Variants in ARHGEF10 observed in about 807,000 individuals in gnomAD.
The protein encoded by ARHGEF10 is Rho guanine nucleotide exchange factor (GEF) 10.
In ARHGEF10, 140 loss-of-function variants were observed where a neutral mutation model predicts 147.4. The ratio of observed to expected loss-of-function variants is 0.95; its 90% confidence interval spans 0.83 to 1.09. ARHGEF10 has a LOEUF of 1.09. Ranked by LOEUF, ARHGEF10 falls within the 50% of genes least tolerant of loss-of-function variation. The probability of loss-of-function intolerance (pLI) is 0.00; values close to 1 mark genes in which losing one functional copy is unlikely to be tolerated. For missense variants in ARHGEF10, 2,222 were observed against 1,752.7 expected (o/e 1.27, Z -4.78); for synonymous variants, 902 against 695.8 (o/e 1.30, Z -4.67).
At chr8:1,930,496 G>GCC in intron 25 of ARHGEF10, among the ~76,000 whole-genome samples, 1 of 105,048 alleles carries the variant, frequency 9.5e-6, no homozygotes, top group African/African-American at 3.7e-5. Context: ...TACCCTCCCC[G>GCC]CCCCCCCGCT....
intron 6 of ARHGEF10, 59 bp downstream of exon 6, chr8:1,866,661 G>A (rs1383721548): frequency 1.0e-5 from 15 of 1,493,124 alleles, no homozygotes; most frequent in African/African-American, 2.7e-5. Context: ...ACGTCACTGC[G>A]GCGGGGCCGG....
intron 1 of ARHGEF10, among the ~76,000 whole-genome samples, chr8:1,827,884 C>T (rs1458319252): frequency 6.6e-6 from 1 of 152,108 alleles, no homozygotes; most frequent in Non-Finnish European, 1.5e-5. Context: ...GGTGCGGGGG[C>T]CCTTGTGAGG....
rs1457493756 is a variant in ARHGEF10 at position 1,937,383 on chromosome 8, A to G, written c.3222+3441A>G. Reference sequence around the variant, plus strand: ...GTATTTACAGAGGGAGCTCAGCCATATAGTATACGGTGATCTTGGATCAGC... The same window carrying G: ...GTATTTACAGAGGGAGCTCAGCCATGTAGTATACGGTGATCTTGGATCAGC... On this transcript the variant is annotated intron_variant, in intron 26 of 28. Transcript: ENST00000349830. This position sits in a 1 kb window ranked among gnomAD's most constrained non-coding sequence, Gnocchi z 4.9. 6.6e-6 allele frequency among the ~76,000 whole-genome samples: 1 copy of G among 152,160 alleles called. No individual in the cohort carries two copies. Among genetic ancestry groups the G allele is most frequent in the Admixed American group, 6.5e-5 (1 of 15,278 alleles).
At chr8:1,877,394 AT>A (rs1394324188) in intron 8 of ARHGEF10, among the ~76,000 whole-genome samples, 2 of 151,824 alleles carry the variant, frequency 1.3e-5, no homozygotes, top group Non-Finnish European at 2.9e-5. Context: ...CTCCTAGCTA[AT>A]TTTCGTATTT....
At chr8:1,926,603 ACTT>A (rs1812714746) in intron 23 of ARHGEF10, 140 bp downstream of exon 23, 3 of 778,718 alleles carry the variant, frequency 3.9e-6, no homozygotes, top group Admixed American at 4.0e-5. Flanking sequence ...AAACATGAAA[ACTT>A]CTTTGAAAGG....
At chr8:1,882,478 A>T (rs1348428859) in intron 9 of ARHGEF10, among the ~76,000 whole-genome samples, 157 bp from the exon 10 acceptor site, 1 of 152,112 alleles carries the variant, frequency 6.6e-6, no homozygotes, top group Non-Finnish European at 1.5e-5. Flanking sequence ...CTTTTTTCCA[A>T]CAAACAAAAC....
At chr8:1,892,025 A>C (rs898534656) in intron 11 of ARHGEF10, among the ~76,000 whole-genome samples, 13 of 148,980 alleles carry the variant, frequency 8.7e-5, no homozygotes, top group Non-Finnish European at 1.9e-4. Flanking sequence ...ATAATATATA[A>C]CATATTATAT....
chr8:1,865,460 A>G (rs1298706483), intron 5 of ARHGEF10, among the ~76,000 whole-genome samples: 1 of 146,940 alleles, frequency 6.8e-6, no homozygotes, highest in African/African-American at 2.6e-5. Flanking sequence ...GGCATGGGGC[A>G]TCCCCCAGCA....
chr8:1,878,542 A>G (rs1282946051), intron 8 of ARHGEF10, among the ~76,000 whole-genome samples: 3 of 152,166 alleles, frequency 2.0e-5, no homozygotes, highest in East Asian at 3.9e-4. Context: ...GCTGTAGCTG[A>G]GTCAGACACT....
chr8:1,824,655 C>A (rs1483216617), intron 1 of ARHGEF10, among the ~76,000 whole-genome samples: 1 of 109,860 alleles, frequency 9.1e-6, no homozygotes, highest in Non-Finnish European at 1.9e-5. Context: ...CCCCAGCTGT[C>A]CCCCCGCACC....
intron 26 of ARHGEF10, among the ~76,000 whole-genome samples, chr8:1,944,164 T>C (rs1482553677): frequency 2.3e-4 from 31 of 137,032 alleles, no homozygotes; most frequent in African/African-American, 3.4e-4. Flanking sequence ...TCCCTCGGGA[T>C]CCCAGCTTCC....
At position 1,939,817 on chromosome 8, in the gene ARHGEF10, G is replaced by A. The variant is rs535446250; in HGVS notation, c.3223-5664G>A. ...GTCACTGGCTCAGCTCCCGGGGACTGGGGGGAAGCATGGGCAGTGCAGGCA... is the reference window on the plus strand; with the variant it reads ...GTCACTGGCTCAGCTCCCGGGGACTAGGGGGAAGCATGGGCAGTGCAGGCA... On this transcript the variant is annotated intron_variant, in intron 26 of 28. Transcript: ENST00000349830. 4.6e-5 allele frequency among the ~76,000 whole-genome samples: 7 copies of A among 152,338 alleles called. No homozygotes were observed. In the South Asian group the frequency reaches 1.2e-3, roughly 27 times the overall value.
intron 9 of ARHGEF10, 25 bp downstream of exon 9, chr8:1,880,189 C>G: frequency 8.5e-6 from 13 of 1,525,046 alleles, no homozygotes; most frequent in African/African-American, 1.4e-5. Flanking sequence ...CCGGCCGCTG[C>G]CCCCACTTGC....
chr8:1,931,254 T>C (rs1459829339), intron 25 of ARHGEF10, among the ~76,000 whole-genome samples: 2 of 152,278 alleles, frequency 1.3e-5, no homozygotes, highest in Admixed American at 6.5e-5. Context: ...TGTGTGTTGA[T>C]AGGACTTTTT....
chr8:1,859,899 G>A lies in ARHGEF10; in HGVS notation c.196G>A (p.Gly66Ser). 1 of 1,614,100 alleles carries A rather than the reference G, an allele frequency of 6.2e-7. No homozygotes were observed. Among genetic ancestry groups the A allele is most frequent in the Non-Finnish European group, 8.5e-7 (1 of 1,180,012 alleles). Residue 66 changes from glycine (G) to serine (S), a missense_variant and splice_region_variant, in exon 4 of 29, where the codon GGT becomes AGT. Coordinates refer to ENST00000349830, the MANE Select transcript of ARHGEF10 (RefSeq NM_014629.4). ...ACAAGTCCTTTCTGCATCCCCAGGA[G>A]GTGAGGATGGAGCTGGAGCAGAAAC... ...GASEAPAPTG[G>S]EDGAGAETTP...
intron 11 of ARHGEF10, among the ~76,000 whole-genome samples, chr8:1,888,479 C>CACTGAGTGGGGTAAGAAGTCTGTGGAGAT (rs1808992783): frequency 8.1e-6 from 1 of 123,396 alleles, no homozygotes; most frequent in Admixed American, 7.9e-5. Context: ...ATTGAGGAGA[C>CACTGAGTGGGGTAAGAAGTCTGTGGAGAT]ACTGAGTGGG....
intron 16 of ARHGEF10, 145 bp downstream of exon 16, chr8:1,903,596 T>G: frequency 1.0e-6 from 1 of 964,558 alleles, no homozygotes; most frequent in Non-Finnish European, 1.6e-6. Flanking sequence ...GATGGAGGCC[T>G]TCGGGAGAGT....
intron 26 of ARHGEF10, among the ~76,000 whole-genome samples, chr8:1,939,462 G>A (rs147132862): frequency 4.9e-4 from 75 of 152,340 alleles, no homozygotes; most frequent in Middle Eastern, 6.8e-3. Flanking sequence ...AGTTTTGGGG[G>A]CAACACTCCC....
chr8:1,909,984 C>T (rs2129184668), intron 18 of ARHGEF10, among the ~76,000 whole-genome samples: 1 of 152,272 alleles, frequency 6.6e-6, no homozygotes, highest in South Asian at 2.1e-4. Flanking sequence ...AGTCAGAATG[C>T]TTTGGCAATG....
Sources: gnomAD v4.1 joint callset for allele counts (sites outside exome capture counted in the v4.1 genomes callset) on GRCh38, gnomAD v4.1.1 for gene constraint, Gnocchi (gnomAD v3.1) non-coding constraint, MANE v1.5 for transcripts, NCBI Gene and HGNC (gene_info 2026-07-23, HGNC 2026-07-21) for gene names.